Variants in FSTL5 observed in about 807,000 individuals in gnomAD.
FSTL5 encodes the protein follistatin like 5, also known as follistatin-related protein 5.
Under a neutral mutation model 89.1 loss-of-function variants are expected in FSTL5, and 62 were observed. The ratio of observed to expected loss-of-function variants is 0.70; its 90% CI spans 0.57 to 0.86. FSTL5 has a LOEUF of 0.86. Ranked by LOEUF, FSTL5 falls within the 40% of genes least tolerant of loss-of-function variation. The pLI, the probability that FSTL5 is intolerant of heterozygous loss-of-function variation, is 0.00. For missense variants in FSTL5, 1,057 were observed against 1,001.6 expected (o/e 1.06, Z -0.75); for synonymous variants, 383 against 346.2 (o/e 1.11, Z -1.18).
At chr4:162,066,613 G>A (rs1276711797) in intron 2 of FSTL5, among the ~76,000 whole-genome samples, 1 of 132,468 alleles carries the variant, frequency 7.5e-6, no homozygotes, top group Non-Finnish European at 1.6e-5. Context: ...GCCCCGATGT[G>A]TGATATTTCC....
intron 15 of FSTL5, among the ~76,000 whole-genome samples, chr4:161,437,429 T>C (rs754801327): frequency 1.3e-5 from 2 of 151,110 alleles, no homozygotes; most frequent in Non-Finnish European, 2.9e-5. Context: ...TCGCCGGGCG[T>C]GGTGGCGGGC....
chr4:161,867,840 G>C (rs1381153812), intron 4 of FSTL5, among the ~76,000 whole-genome samples: 1 of 151,608 alleles, frequency 6.6e-6, no homozygotes, highest in Non-Finnish European at 1.5e-5. Context: ...CATCTAAGAT[G>C]GTCATCAATC....
At chr4:161,510,139 T>C (rs1226680742) in intron 11 of FSTL5, among the ~76,000 whole-genome samples, 1 of 152,166 alleles carries the variant, frequency 6.6e-6, no homozygotes, top group East Asian at 1.9e-4. Flanking sequence ...TTTGTTTCTT[T>C]GGTGTAATTT....
chr4:161,793,645 G>T (rs1201916809), intron 4 of FSTL5, among the ~76,000 whole-genome samples: 1 of 149,678 alleles, frequency 6.7e-6, no homozygotes, highest in Non-Finnish European at 1.5e-5. Flanking sequence ...GTCTCACTCT[G>T]TTGCCCATGC....
At chr4:161,606,247 T>A (rs1249052565) in intron 7 of FSTL5, among the ~76,000 whole-genome samples, 2 of 95,784 alleles carry the variant, frequency 2.1e-5, no homozygotes, top group African/African-American at 6.9e-5. Context: ...GTGATTTTTT[T>A]TTTTTTTTTT....
intron 4 of FSTL5, among the ~76,000 whole-genome samples, chr4:161,903,562 A>G (rs1733433087): frequency 6.6e-6 from 1 of 152,012 alleles, no homozygotes; most frequent in African/African-American, 2.4e-5. Context: ...GTCTCACAAC[A>G]TAAATTTTTT....
chr4:161,943,241 A>C (rs2110929160), intron 3 of FSTL5, among the ~76,000 whole-genome samples: 1 of 152,154 alleles, frequency 6.6e-6, no homozygotes, highest in East Asian at 1.9e-4. Flanking sequence ...TAAGACTGCA[A>C]TACTACCCCA....
chr4:161,728,840 A>G (rs1241152167), intron 6 of FSTL5, among the ~76,000 whole-genome samples: 1 of 152,154 alleles, frequency 6.6e-6, no homozygotes, highest in Non-Finnish European at 1.5e-5. Context: ...TCAAATTAAT[A>G]GGTATTATTT....
At chr4:161,463,142 A>G (rs1202303782) in intron 13 of FSTL5, among the ~76,000 whole-genome samples, 1 of 152,126 alleles carries the variant, frequency 6.6e-6, no homozygotes, top group East Asian at 1.9e-4. Context: ...AAATTAGGAT[A>G]TACCTATTTG....
intron 12 of FSTL5, among the ~76,000 whole-genome samples, chr4:161,489,460 A>G (rs761422200): frequency 1.3e-5 from 2 of 152,164 alleles, no homozygotes; most frequent in Non-Finnish European, 2.9e-5. Context: ...AAGAAATAGG[A>G]CAACTACTAG....
At chr4:161,415,375 C>A (rs1731736364) in intron 15 of FSTL5, among the ~76,000 whole-genome samples, 1 of 152,104 alleles carries the variant, frequency 6.6e-6, no homozygotes, top group African/African-American at 2.4e-5. Flanking sequence ...CTTGCCTCAG[C>A]TTCCTGAGTG....
At chr4:161,406,227 C>G (rs1349699723) in intron 15 of FSTL5, among the ~76,000 whole-genome samples, 3 of 152,078 alleles carry the variant, frequency 2.0e-5, no homozygotes, top group Non-Finnish European at 4.4e-5. Context: ...GTTTTGTTTT[C>G]ATTTGCCTCA....
At chr4:161,956,811 T>A (rs920086756) in intron 3 of FSTL5, among the ~76,000 whole-genome samples, 9 of 152,024 alleles carry the variant, frequency 5.9e-5, no homozygotes, top group Admixed American at 5.9e-4. Flanking sequence ...GTTTTAACAG[T>A]AACTGTTGAA....
chr4:161,814,326 C>A (rs1442698876), intron 4 of FSTL5, among the ~76,000 whole-genome samples: 1 of 152,104 alleles, frequency 6.6e-6, no homozygotes, highest in Admixed American at 6.5e-5. Flanking sequence ...AACTAAATTA[C>A]AGCCAAGATT....
chr4:162,147,904 G>T (rs1733065141), intron 1 of FSTL5, among the ~76,000 whole-genome samples: 1 of 151,974 alleles, frequency 6.6e-6, no homozygotes, highest in African/African-American at 2.4e-5. Context: ...ACTCGGGAAG[G>T]TGAGGCAGGA....
At chr4:161,963,833 A>C (rs938362401) in intron 3 of FSTL5, among the ~76,000 whole-genome samples, 1 of 151,968 alleles carries the variant, frequency 6.6e-6, no homozygotes, top group African/African-American at 2.4e-5. Context: ...ATACATGTGT[A>C]ATTGTAAAAT....
intron 2 of FSTL5, among the ~76,000 whole-genome samples, chr4:162,061,467 C>T (rs1471211788): frequency 6.6e-6 from 1 of 152,066 alleles, no homozygotes; most frequent in Non-Finnish European, 1.5e-5. Flanking sequence ...GAGTATCAAG[C>T]GACAGTACTT....
chr4:161,642,158 A>T (rs1735988302), intron 7 of FSTL5, among the ~76,000 whole-genome samples: 1 of 152,152 alleles, frequency 6.6e-6, no homozygotes. Flanking sequence ...ATTACCTCAC[A>T]TGGCTACTAT....
At chr4:161,936,805 A>G (rs1734445072) in intron 3 of FSTL5, among the ~76,000 whole-genome samples, 1 of 152,194 alleles carries the variant, frequency 6.6e-6, no homozygotes, top group African/African-American at 2.4e-5. Context: ...CCTCTACCAC[A>G]GTGCATTCCA....
Sources: gnomAD v4.1 joint callset for allele counts (sites outside exome capture counted in the v4.1 genomes callset) on GRCh38, gnomAD v4.1.1 for gene constraint, MANE v1.5 for transcripts, NCBI Gene and HGNC (gene_info 2026-07-23, HGNC 2026-07-21) for gene names.